Variants in FBP1 observed in about 807,000 individuals in gnomAD.
FBP1 encodes fructose-bisphosphatase 1.
A neutral mutation model predicts 29.9 loss-of-function variants in FBP1; 22 were observed. The ratio of observed to expected loss-of-function variants is 0.74; its 90% CI spans 0.53 to 1.05. FBP1 has a LOEUF of 1.05. FBP1 is among the 50% of genes least tolerant of loss of function. The pLI is 0.00. For synonymous variants in FBP1, 175 were observed against 178.6 expected (o/e 0.98, Z 0.16); for missense variants, 345 against 448.2 (o/e 0.77, Z 2.08).
At chr9:94,608,007 AAAAT>A (rs538490193) in intron 4 of FBP1, among the ~76,000 whole-genome samples, 123 of 152,342 alleles carry the variant, frequency 8.1e-4, no homozygotes, top group Middle Eastern at 6.8e-3. Flanking sequence ...CGTTGGTAGA[AAAAT>A]AAATAAATAA....
intron 5 of FBP1, 48 bp from the exon 6 acceptor site, chr9:94,605,624 A>T (rs1261443475): frequency 1.9e-6 from 3 of 1,567,834 alleles, no homozygotes; most frequent in African/African-American, 2.7e-5. Flanking sequence ...AATAAGAAAG[A>T]GAGTTTTCTT....
At chr9:94,638,423 T>C (rs773919995) in intron 1 of FBP1, among the ~76,000 whole-genome samples, 1 of 152,214 alleles carries the variant, frequency 6.6e-6, no homozygotes, top group Non-Finnish European at 1.5e-5. Flanking sequence ...TACAAACCAC[T>C]TTTGAGCTTT....
At chr9:94,631,640 C>T (rs1828105463) in intron 1 of FBP1, among the ~76,000 whole-genome samples, 1 of 152,220 alleles carries the variant, frequency 6.6e-6, no homozygotes, top group Non-Finnish European at 1.5e-5. Context: ...GGACCATCTC[C>T]TCCCGAAGTC....
chr9:94,636,666 T>A (rs540157800), intron 1 of FBP1, among the ~76,000 whole-genome samples: 25 of 152,074 alleles, frequency 1.6e-4, no homozygotes, highest in African/African-American at 5.5e-4. Flanking sequence ...ACACATTTTT[T>A]AAACAATATC....
At chr9:94,627,960 T>C (rs915060147) in intron 1 of FBP1, among the ~76,000 whole-genome samples, 20 of 152,326 alleles carry the variant, frequency 1.3e-4, no homozygotes, top group African/African-American at 4.8e-4. Flanking sequence ...CCTCCCCTGC[T>C]CTGCCCCTCA....
intron 1 of FBP1, among the ~76,000 whole-genome samples, chr9:94,623,352 G>A (rs959328941): frequency 6.6e-6 from 1 of 152,318 alleles, no homozygotes; most frequent in South Asian, 2.1e-4. Context: ...GGGCTTCAAG[G>A]CAGAGACCAG....
rs558159759 is a variant in FBP1, at chr9:94,638,998, CAGAG to C, written c.170+139_170+142del. 453 of 859,062 alleles carry C rather than the reference CAGAG, an allele frequency of 5.3e-4. 8 individuals are homozygous for C. The South Asian group carries it at 6.4e-3, about 12-fold the overall frequency. 53.2% of individuals were successfully genotyped at this position (859,062 alleles called of 1,614,324 possible). ...GCTTCTGGAGAGAGGGGCTACCAGA[CAGAG>C]AGCGAGAGAGGCGCTCAGACATCAG... On this transcript the variant is annotated intron_variant, in intron 1 of 6. Coordinates refer to ENST00000375326, the MANE Select transcript of FBP1 (RefSeq NM_000507.4).
At chr9:94,609,014 A>G (rs1264709529) in intron 4 of FBP1, among the ~76,000 whole-genome samples, 1 of 152,144 alleles carries the variant, frequency 6.6e-6, no homozygotes, top group East Asian at 1.9e-4. Flanking sequence ...CAGCCTGACC[A>G]ACATGGCGAA....
chr9:94,639,701 C>T (rs1403635286), upstream of FBP1, among the ~76,000 whole-genome samples: 2 of 150,406 alleles, frequency 1.3e-5, no homozygotes, highest in Non-Finnish European at 3.0e-5. Flanking sequence ...CGCCCTGCCG[C>T]CCCCTAGTCT....
chr9:94,619,053 G>A (rs767317026), intron 2 of FBP1, among the ~76,000 whole-genome samples: 1 of 152,086 alleles, frequency 6.6e-6, no homozygotes, highest in Non-Finnish European at 1.5e-5. Context: ...ACTAATGCAG[G>A]AGGAACTGGA....
chr9:94,627,216 G>A (rs547421857), intron 1 of FBP1, among the ~76,000 whole-genome samples: 12 of 149,422 alleles, frequency 8.0e-5, no homozygotes, highest in East Asian at 2.0e-4. Flanking sequence ...TTAGCCGGGC[G>A]TGGTGGCGGG....
chr9:94,619,814 C>A (rs887429282), intron 2 of FBP1, among the ~76,000 whole-genome samples: 4 of 139,586 alleles, frequency 2.9e-5, no homozygotes, highest in Non-Finnish European at 4.5e-5. Context: ...GCGGAGGTTG[C>A]AGTGAGCCAA....
intron 5 of FBP1, among the ~76,000 whole-genome samples, chr9:94,606,115 C>G (rs1272513930): frequency 6.6e-6 from 1 of 152,142 alleles, no homozygotes; most frequent in Non-Finnish European, 1.5e-5. Flanking sequence ...AAGCCTGGGG[C>G]AGATCTGAGG....
intron 2 of FBP1, 81 bp downstream of exon 2, chr9:94,620,248 G>A: frequency 4.1e-6 from 6 of 1,474,480 alleles, no homozygotes; most frequent in Non-Finnish European, 5.7e-6. Context: ...ACCCAGCTCA[G>A]CTGAACAAGT....
At position 94,615,889 on chromosome 9, in the gene FBP1, G is replaced by T. The variant is rs573474382; in HGVS notation, c.426+1879C>A. On this transcript the variant is annotated intron_variant, in intron 3 of 6. Coordinates refer to ENST00000375326, the MANE Select transcript of FBP1 (RefSeq NM_000507.4). The stretch of plus-strand genomic sequence containing the variant: ...GTCACCCGGACTGGAGTCCAGTAGC[G>T]CGATCTTGGCTCACTGCAACCTCCA... Among the ~76,000 whole-genome samples, 7 of 150,214 alleles carry T rather than the reference G, an allele frequency of 4.7e-5. No homozygotes were observed. In the East Asian group the frequency reaches 1.4e-3, roughly 29 times the overall value.
intron 1 of FBP1, among the ~76,000 whole-genome samples, chr9:94,638,437 C>T (rs1246991632): frequency 6.6e-6 from 1 of 152,212 alleles, no homozygotes; most frequent in African/African-American, 2.4e-5. Flanking sequence ...GAGCTTTCCA[C>T]TAATTGGGCA....
chr9:94,619,874 C>CAAAAAAAAAAAAAAAAAAAAAAAA (rs56722632), intron 2 of FBP1, among the ~76,000 whole-genome samples: 6 of 99,168 alleles, frequency 6.1e-5, no homozygotes, highest in African/African-American at 3.4e-4. Flanking sequence ...AACACTGTCT[C>CAAAAAAAAAAAAAAAAAAAAAAAA]AAAAAAAAAA....
intron 6 of FBP1, among the ~76,000 whole-genome samples, chr9:94,605,023 T>C (rs1827676450): frequency 1.3e-5 from 2 of 152,316 alleles, no homozygotes; most frequent in African/African-American, 4.8e-5. Context: ...GTTTTCCAAG[T>C]AGTGGATGTT....
Position 94,639,119 on chromosome 9 carries a change from C to T in FBP1, c.170+22G>A, listed in dbSNP as rs755797371. 3.8e-6 allele frequency: 6 copies of T among 1,580,630 alleles called. No individual in the cohort carries two copies. The South Asian group carries it at 6.9e-5, about 18-fold the overall frequency. The stretch of plus-strand genomic sequence containing the variant: ...CCAGGCAGACAGACAGGACGGGGCC[C>T]ACCGCCCAAGGCCCGACTCACAGGT... On this transcript the variant is annotated intron_variant, in intron 1 of 6. Coordinates refer to ENST00000375326, the MANE Select transcript of FBP1 (RefSeq NM_000507.4).
Sources: gnomAD v4.1 joint callset for allele counts (sites outside exome capture counted in the v4.1 genomes callset) on GRCh38, gnomAD v4.1.1 for gene constraint, MANE v1.5 for transcripts, NCBI Gene and HGNC (gene_info 2026-07-23, HGNC 2026-07-21) for gene names.